The following SERPINI1 variants were observed in gnomAD, a reference collection of about 807,000 sequenced individuals.
SERPINI1 encodes the protein neuroserpin.
SERPINI1 carries 19 observed loss-of-function variants against 41.1 expected under a neutral mutation model. The observed-to-expected ratio is 0.46, with a 90% confidence interval of 0.32 to 0.68. SERPINI1 has a LOEUF of 0.68. Among genes scored for constraint, SERPINI1 ranks in the 30% least tolerant of loss-of-function variants. SERPINI1 has a pLI of 0.03. For missense variants in SERPINI1, 460 were observed against 479.2 expected, an observed-to-expected ratio of 0.96 and a Z score of 0.37; for synonymous variants, 138 against 156.6, an observed-to-expected ratio of 0.88 and a Z score of 0.89.
At chr3:167,788,335 G>A (rs1432372891) in intron 1 of SERPINI1, among the ~76,000 whole-genome samples, 1 of 152,148 alleles carries the variant, frequency 6.6e-6, no homozygotes, top group Non-Finnish European at 1.5e-5. Context: ...AACCTGATGA[G>A]CCTGATAATT....
At chr3:167,779,593 A>G (rs536331145) in intron 1 of SERPINI1, among the ~76,000 whole-genome samples, 27 of 152,184 alleles carry the variant, frequency 1.8e-4, no homozygotes, top group Non-Finnish European at 3.5e-4. Context: ...CTAGAAATGT[A>G]TGTTTTCGAT....
Position 167,807,317 on chromosome 3 carries a change from G to A in SERPINI1, c.955G>A (p.Asp319Asn). 6.2e-7 allele frequency: 1 copy of A among 1,611,024 alleles called. No individual in the cohort carries two copies. The highest frequency in any genetic ancestry group is 8.5e-7 in the Non-Finnish European group (1 of 1,177,702). Residue 319 changes from aspartate (D) to asparagine (N), a missense_variant, in exon 6 of 9, where the codon GAT (aspartate) becomes AAT (asparagine). By Grantham distance (23) the Asp-to-Asn change is conservative. Coordinates refer to ENST00000446050, the MANE Select transcript of SERPINI1 (RefSeq NM_001122752.2). The part of the protein sequence containing the change: ...ALGITEIFIK[D>N]ANLTGLSDNK... ...TGGAATAACTGAAATTTTCATCAAA[G>A]ATGCAAATTTGACAGGCCTCTCTGG...
chr3:167,816,759 A>G (rs998832830), intron 6 of SERPINI1, among the ~76,000 whole-genome samples: 4 of 152,168 alleles, frequency 2.6e-5, no homozygotes, highest in Non-Finnish European at 1.5e-5. Context: ...TTTAGGAATT[A>G]GAGGAGAGCA....
chr3:167,769,728 G>C (rs1490712788), intron 1 of SERPINI1, among the ~76,000 whole-genome samples: 1 of 152,062 alleles, frequency 6.6e-6, no homozygotes, highest in East Asian at 1.9e-4. Flanking sequence ...AGTCTGTTAA[G>C]TGACTAATGG....
intron 5 of SERPINI1, among the ~76,000 whole-genome samples, chr3:167,801,805 T>C (rs1372114535): frequency 6.6e-6 from 1 of 152,170 alleles, no homozygotes; most frequent in Non-Finnish European, 1.5e-5. Context: ...AGTTTGCTTT[T>C]TAAAAAAGTC....
At chr3:167,770,572 T>C (rs1309451332) in intron 1 of SERPINI1, among the ~76,000 whole-genome samples, 2 of 152,150 alleles carry the variant, frequency 1.3e-5, no homozygotes, top group East Asian at 3.8e-4. Context: ...CTAATTTTTT[T>C]AAAGCTCTAT....
intron 5 of SERPINI1, among the ~76,000 whole-genome samples, chr3:167,801,819 G>A (rs1691474965): frequency 6.6e-6 from 1 of 152,034 alleles, no homozygotes; most frequent in South Asian, 2.1e-4. Context: ...AAAAGTCAAG[G>A]AATGGACAAC....
chr3:167,744,135 C>CT (rs1725766237), intron 1 of SERPINI1, among the ~76,000 whole-genome samples: 1 of 152,026 alleles, frequency 6.6e-6, no homozygotes, highest in Admixed American at 6.5e-5. Flanking sequence ...TCAGACAAAA[C>CT]TGAGTTCAAA....
intron 1 of SERPINI1, among the ~76,000 whole-genome samples, chr3:167,756,800 C>G (rs1267806585): frequency 6.6e-6 from 1 of 152,122 alleles, no homozygotes; most frequent in African/African-American, 2.4e-5. Flanking sequence ...TTCCATTAAT[C>G]CAAAGAAGAC....
chr3:167,744,730 TATATATA>T (rs1559992914), intron 1 of SERPINI1, among the ~76,000 whole-genome samples: 1 of 122,396 alleles, frequency 8.2e-6, no homozygotes, highest in African/African-American at 3.0e-5. Context: ...AATATATAAA[TATATATA>T]TTATATATAA....
chr3:167,804,300 G>A (rs1711546600), intron 5 of SERPINI1, among the ~76,000 whole-genome samples: 2 of 151,994 alleles, frequency 1.3e-5, no homozygotes. Context: ...CATTCCTTTT[G>A]TTTACCGCCA....
chr3:167,811,698 A>T (rs1711894575), intron 6 of SERPINI1, among the ~76,000 whole-genome samples: 1 of 152,100 alleles, frequency 6.6e-6, no homozygotes, highest in African/African-American at 2.4e-5. Context: ...ATTGTTACTT[A>T]AAAATTAGAA....
intron 1 of SERPINI1, among the ~76,000 whole-genome samples, chr3:167,782,102 T>A (rs1727151845): frequency 6.6e-6 from 1 of 152,058 alleles, no homozygotes; most frequent in African/African-American, 2.4e-5. Context: ...TGCAGCCTCT[T>A]GTTGTTTTTA....
At chr3:167,760,168 C>T (rs555945339) in intron 1 of SERPINI1, among the ~76,000 whole-genome samples, 17 of 151,982 alleles carry the variant, frequency 1.1e-4, no homozygotes, top group African/African-American at 3.9e-4. Flanking sequence ...AAAAGTTGGC[C>T]AGGTGAAAGG....
intron 1 of SERPINI1, among the ~76,000 whole-genome samples, chr3:167,751,456 A>G (rs763728586): frequency 2.6e-5 from 4 of 152,368 alleles, no homozygotes; most frequent in East Asian, 1.9e-4. Context: ...CTTAGTCTCT[A>G]TAAGCAAAGA....
chr3:167,775,518 T>C (rs1194038522), intron 1 of SERPINI1, among the ~76,000 whole-genome samples: 1 of 152,070 alleles, frequency 6.6e-6, no homozygotes, highest in Non-Finnish European at 1.5e-5. Flanking sequence ...ACTCTGTTTA[T>C]TAGCAAAACA....
intron 6 of SERPINI1, among the ~76,000 whole-genome samples, chr3:167,819,337 A>G (rs1712232370): frequency 6.6e-6 from 1 of 151,922 alleles, no homozygotes. Flanking sequence ...TTATGTGCTG[A>G]TTTTACCAAC....
intron 5 of SERPINI1, among the ~76,000 whole-genome samples, chr3:167,796,507 T>G (rs1727715542): frequency 1.3e-5 from 2 of 152,054 alleles, no homozygotes; most frequent in Admixed American, 6.6e-5. Flanking sequence ...ATACTCTCCC[T>G]CCCCGCAACC....
intron 6 of SERPINI1, among the ~76,000 whole-genome samples, chr3:167,820,639 A>T (rs1056685587): frequency 6.6e-6 from 1 of 152,190 alleles, no homozygotes; most frequent in Non-Finnish European, 1.5e-5. Flanking sequence ...GAGGGAGGCC[A>T]AGAGGGGGCT....
Sources: allele counts gnomAD v4.1 joint callset (sites outside exome capture counted in the v4.1 genomes callset), GRCh38; gene constraint gnomAD v4.1.1; transcripts MANE v1.5; gene names NCBI Gene and HGNC (gene_info 2026-07-23, HGNC 2026-07-21).